RAI14: variants seen among roughly 807,000 people sequenced by gnomAD.
RAI14 encodes retinoic acid induced 14.
Under a neutral mutation model 115.4 loss-of-function variants are expected in RAI14, and 45 were observed. The observed-to-expected ratio is 0.39, with a 90% CI of 0.31 to 0.50. The LOEUF (loss-of-function observed/expected upper bound fraction) is 0.50. RAI14 is among the 20% of genes least tolerant of loss of function. The pLI is 0.85. For missense variants in RAI14, 939 were observed against 1,131.2 expected, an observed-to-expected ratio of 0.83 and a Z score of 2.44; for synonymous variants, 371 against 415.4, an observed-to-expected ratio of 0.89 and a Z score of 1.30.
intron 3 of RAI14, among the ~76,000 whole-genome samples, chr5:34,794,195 T>G (rs1753242103): frequency 1.3e-5 from 2 of 152,060 alleles, no homozygotes; most frequent in Non-Finnish European, 2.9e-5. Flanking sequence ...GACTGAGGTG[T>G]GTGGATCACA....
intron 3 of RAI14, among the ~76,000 whole-genome samples, chr5:34,771,779 TA>T (rs1248954926): frequency 6.6e-6 from 1 of 152,224 alleles, no homozygotes; most frequent in Non-Finnish European, 1.5e-5. Flanking sequence ...CTGGCAACCC[TA>T]ATCTGTCCCA....
chr5:34,826,667 G>A (rs1469231991), intron 16 of RAI14, among the ~76,000 whole-genome samples, 188 bp downstream of exon 16: 1 of 152,182 alleles, frequency 6.6e-6, no homozygotes, highest in East Asian at 1.9e-4. Flanking sequence ...ATTCCTGGTC[G>A]TTATCAGCAA....
At chr5:34,695,803 C>CTTTTTTT (rs376091071) in intron 2 of RAI14, among the ~76,000 whole-genome samples, 7 of 128,962 alleles carry the variant, frequency 5.4e-5, no homozygotes, top group Non-Finnish European at 4.8e-5. Context: ...AAGCACTTTC[C>CTTTTTTT]TTTTTTTTTT....
At position 34,665,198 on chromosome 5, in the gene RAI14, T is replaced by TATATATATATATATATACAC. The variant is rs369742853; in HGVS notation, c.-49+8724_-49+8725insTATATATATATATATACACA. ...ACACACATATATATATGTATATATA[T>TATATATATATATATATACAC]ACACACACCACAGTTTCTTTATCCA... On this transcript the variant is annotated intron_variant, in intron 1 of 17. Coordinates refer to ENST00000265109, the MANE Select transcript of RAI14 (RefSeq NM_015577.3). 7.9e-5 allele frequency among the ~76,000 whole-genome samples: 6 copies of TATATATATATATATATACAC among 75,710 alleles called. 1 individual carries two copies. Among genetic ancestry groups the TATATATATATATATATACAC allele is most frequent in the South Asian group, 4.3e-4 (1 of 2,316 alleles). The allele number at this position is 75,710 out of a possible 152,430, so 49.7% of individuals were successfully genotyped here.
intron 2 of RAI14, among the ~76,000 whole-genome samples, chr5:34,753,505 C>T (rs1014296457): frequency 4.6e-5 from 7 of 152,162 alleles, no homozygotes; most frequent in Non-Finnish European, 1.0e-4. Flanking sequence ...GAGCCAGGCA[C>T]GGTGGCTCAC....
intron 2 of RAI14, among the ~76,000 whole-genome samples, chr5:34,721,857 C>A (rs553850592): frequency 2.6e-5 from 4 of 152,052 alleles, no homozygotes; most frequent in South Asian, 4.2e-4. Context: ...CTTACAGGTG[C>A]GTGCCACCAC....
In RAI14 at chr5:34,791,422, T is replaced by C. The variant is rs113819021; in HGVS notation, c.168-4517T>C. The stretch of plus-strand genomic sequence containing the variant: ...TATGCCATATAATTAAAAAGTTATA[T>C]GGTATATTCTCCCATTACATTTTAG... On this transcript the variant is annotated intron_variant, in intron 3 of 17. Transcript: ENST00000265109. The surrounding 1 kb of genome is among the most constrained non-coding windows in gnomAD (Gnocchi z 5.4). 3.4e-4 allele frequency among the ~76,000 whole-genome samples: 52 copies of C among 152,246 alleles called. No individual in the cohort carries two copies. Among genetic ancestry groups the C allele is most frequent in the African/African-American group, 1.1e-3 (47 of 41,536 alleles).
intron 2 of RAI14, among the ~76,000 whole-genome samples, chr5:34,754,278 C>T (rs115567884): frequency 8.3e-4 from 127 of 152,210 alleles, no homozygotes; most frequent in Middle Eastern, 3.4e-3. Context: ...AGTGGCCTGG[C>T]CCAGGACTAG....
chr5:34,671,221 G>A (rs1458675356), intron 1 of RAI14, among the ~76,000 whole-genome samples: 1 of 152,152 alleles, frequency 6.6e-6, no homozygotes, highest in African/African-American at 2.4e-5. Flanking sequence ...GAATACAGGA[G>A]AGTCCCTGAG....
chr5:34,731,967 G>A (rs1294672879), intron 2 of RAI14, among the ~76,000 whole-genome samples: 2 of 152,232 alleles, frequency 1.3e-5, no homozygotes, highest in Non-Finnish European at 2.9e-5. Flanking sequence ...GGAGTGGAGG[G>A]AGAGGTCAGG....
rs555714909 is a variant in RAI14 at position 34,822,707 on chromosome 5, G to A, written c.1114-249G>A. ...TTTTTTTTTTTTTTTTTTTTGAGAC[G>A]GAGTCTTGCTCTGTCGCCCAGGCTG... is the stretch of plus-strand genomic sequence containing the variant. On this transcript the variant is annotated intron_variant, in intron 14 of 17. Coordinates refer to ENST00000265109, the MANE Select transcript of RAI14 (RefSeq NM_015577.3). Among the ~76,000 whole-genome samples, 103 of 94,544 alleles carry A rather than the reference G, an allele frequency of 1.1e-3. 1 individual carries two copies. In the East Asian group the frequency reaches 0.032, roughly 29 times the overall value. 62.0% of individuals were successfully genotyped at this position (94,544 alleles called of 152,430 possible). A position where few individuals can be genotyped will look rare whatever the true frequency, so the allele number is the denominator to read the frequency against.
chr5:34,712,494 A>G (rs908413633), intron 2 of RAI14, among the ~76,000 whole-genome samples: 1 of 152,200 alleles, frequency 6.6e-6, no homozygotes, highest in African/African-American at 2.4e-5. Flanking sequence ...GAGAAGCAGC[A>G]TAGGACTAGA....
chr5:34,674,801 C>G (rs1743862375), intron 1 of RAI14, among the ~76,000 whole-genome samples: 1 of 151,978 alleles, frequency 6.6e-6, no homozygotes, highest in African/African-American at 2.4e-5. Flanking sequence ...GTTGACCAGG[C>G]TGGTCTTGAA....
At position 34,799,524 on chromosome 5, in the gene RAI14, ACACACACACACAC is replaced by A. The variant is rs1439350753; in HGVS notation, c.256+3498_256+3510del. Reference sequence around the variant, plus strand: ...CACACACACACACACACACACACACACACACACACACACACAAAACCACCTTTCAAAATCTATT... The same window carrying A: ...CACACACACACACACACACACACACAACAAAACCACCTTTCAAAATCTATT... On this transcript the variant is annotated intron_variant, in intron 4 of 17. Coordinates refer to ENST00000265109, the MANE Select transcript of RAI14 (RefSeq NM_015577.3). 2.0e-4 allele frequency among the ~76,000 whole-genome samples: 23 copies of A among 117,360 alleles called. No individual in the cohort carries two copies. In the East Asian group the frequency reaches 4.8e-3, roughly 24 times the overall value. The allele number at this position is 117,360 out of a possible 152,430, so 77.0% of individuals were successfully genotyped here.
chr5:34,685,870 C>G (rs1744812050), intron 1 of RAI14: 1 of 152,104 alleles, frequency 6.6e-6, no homozygotes, highest in African/African-American at 2.4e-5. Flanking sequence ...GACCACAGAC[C>G]CATGTTAAAT....
chr5:34,764,607 G>A (rs2150113961), intron 3 of RAI14, among the ~76,000 whole-genome samples: 1 of 150,886 alleles, frequency 6.6e-6, no homozygotes, highest in South Asian at 2.1e-4. Context: ...TGCAATATAT[G>A]TATATAAGAC....
chr5:34,765,959 G>A (rs973910663), intron 3 of RAI14, among the ~76,000 whole-genome samples: 2 of 152,226 alleles, frequency 1.3e-5, no homozygotes, highest in African/African-American at 4.8e-5. Context: ...CATAGAACTT[G>A]GGCTGTGGCT....
rs146394394 is a variant in RAI14 at position 34,771,640 on chromosome 5, C to T, written c.167+14042C>T. On this transcript the variant is annotated intron_variant, in intron 3 of 17. Transcript: ENST00000265109. Reference sequence around the variant, plus strand: ...TTAAGAGCCTTGAGAATTATCCCAGCCTTGTCCCATGGTATTTATTTTGGG... The same window carrying T: ...TTAAGAGCCTTGAGAATTATCCCAGTCTTGTCCCATGGTATTTATTTTGGG... 2.3e-3 allele frequency among the ~76,000 whole-genome samples: 353 copies of T among 152,258 alleles called. 1 individual carries two copies. The highest frequency in any genetic ancestry group is 8.1e-3 in the African/African-American group (336 of 41,558).
At chr5:34,671,982 T>C (rs1458207437) in intron 1 of RAI14, among the ~76,000 whole-genome samples, 2 of 152,204 alleles carry the variant, frequency 1.3e-5, no homozygotes, top group African/African-American at 2.4e-5. Flanking sequence ...GCATATTTGA[T>C]TAAGCTCCTT....
Sources: gnomAD v4.1 joint callset for allele counts (sites outside exome capture counted in the v4.1 genomes callset) on GRCh38, gnomAD v4.1.1 for gene constraint, Gnocchi (gnomAD v3.1) non-coding constraint, MANE v1.5 for transcripts, NCBI Gene and HGNC (gene_info 2026-07-23, HGNC 2026-07-21) for gene names.